Variants in LRRN1 observed in about 807,000 individuals in gnomAD.
LRRN1 encodes leucine-rich repeat neuronal protein 1.
In LRRN1, 14 loss-of-function variants were observed where a neutral mutation model predicts 45.8. The ratio of observed to expected loss-of-function variants is 0.31; its 90% CI spans 0.20 to 0.48. LRRN1 has a LOEUF of 0.48. LRRN1 is among the 20% of genes least tolerant of loss of function. The pLI, the probability that LRRN1 is intolerant of heterozygous loss-of-function variation, is 0.99. For synonymous variants in LRRN1, 359 were observed against 330.1 expected (o/e 1.09, Z -0.95); for missense variants, 789 against 874.2 (o/e 0.90, Z 1.23).
intron 1 of LRRN1, among the ~76,000 whole-genome samples, chr3:3,825,865 C>T (rs548780997): frequency 8.5e-5 from 13 of 152,164 alleles, no homozygotes; most frequent in African/African-American, 3.1e-4. Flanking sequence ...GAGTATTTGC[C>T]AATAATATTT....
At chr3:3,835,123 T>C (rs1693479689) in intron 1 of LRRN1, among the ~76,000 whole-genome samples, 1 of 152,192 alleles carries the variant, frequency 6.6e-6, no homozygotes, top group African/African-American at 2.4e-5. Context: ...AGAATTTAAG[T>C]ACAGATGCTT....
intron 1 of LRRN1, among the ~76,000 whole-genome samples, chr3:3,832,733 T>C (rs1171610820): frequency 6.6e-6 from 1 of 152,204 alleles, no homozygotes; most frequent in Non-Finnish European, 1.5e-5. Flanking sequence ...ATAAACTGGC[T>C]CCAGTCTGGA....
intron 1 of LRRN1, among the ~76,000 whole-genome samples, chr3:3,833,513 T>C (rs1054325790): frequency 6.6e-6 from 1 of 152,186 alleles, no homozygotes; most frequent in Non-Finnish European, 1.5e-5. Context: ...AGATTGCTCT[T>C]TATATAATTA....
chr3:3,822,305 C>G (rs995300165), intron 1 of LRRN1, among the ~76,000 whole-genome samples: 4 of 152,196 alleles, frequency 2.6e-5, no homozygotes, highest in African/African-American at 9.7e-5. Flanking sequence ...TCAGCCAAAA[C>G]TACCCTGCAA....
Position 3,842,896 on chromosome 3 carries a change from T to G in LRRN1, c.-278-1468T>G, listed in dbSNP as rs1206552806. ...GGAACCACTAACTACTAATATTATCTTTGCCAGCAGGTGAGCAGTACATAC... is the reference window on the plus strand; with the variant it reads ...GGAACCACTAACTACTAATATTATCGTTGCCAGCAGGTGAGCAGTACATAC... On this transcript the variant is annotated intron_variant, in intron 1 of 1. Coordinates refer to ENST00000319331, the MANE Select transcript of LRRN1 (RefSeq NM_020873.7). Among the ~76,000 whole-genome samples the G allele has an allele frequency of 2.0e-5, 3 of 152,186 alleles. No homozygotes were observed. The East Asian group carries it at 5.8e-4, about 29-fold the overall frequency.
chr3:3,799,468 A>G lies in LRRN1; in HGVS notation c.-730A>G, dbSNP rs1442743212. On this transcript the variant is annotated 5_prime_UTR_variant, in exon 1 of 2. Transcript: ENST00000319331. ...GGGCGCACCGCGGGCGCCGGCAACG[A>G]GCCGGTGAACGAGGCGAGGCCCGTG... 4.0e-5 allele frequency: 6 copies of G among 151,810 alleles called. No homozygotes were observed. The highest frequency in any genetic ancestry group is 1.5e-4 in the African/African-American group (6 of 41,336). The allele number at this position is 151,810 out of a possible 1,614,324, so 9.4% of individuals were successfully genotyped here.
rs574466887 is a variant in LRRN1, at chr3:3,831,986, A to T, written c.-278-12378A>T. ...AGAAATGGAGAAAAAGGCATTTGCC[A>T]TGTCAATGGCTGCATACCAGGTACC... On this transcript the variant is annotated intron_variant, in intron 1 of 1. Transcript: ENST00000319331. 7.2e-5 allele frequency among the ~76,000 whole-genome samples: 11 copies of T among 152,372 alleles called. No individual in the cohort carries two copies. In the South Asian group the frequency reaches 2.3e-3, roughly 32 times the overall value.
chr3:3,802,512 C>T (rs1343190528), intron 1 of LRRN1, among the ~76,000 whole-genome samples: 1 of 152,110 alleles, frequency 6.6e-6, no homozygotes, highest in Admixed American at 6.5e-5. Context: ...CTCAGTGTTT[C>T]GGGGGAGGGG....
intron 1 of LRRN1, among the ~76,000 whole-genome samples, chr3:3,839,617 G>T (rs903248912): frequency 6.6e-6 from 1 of 152,016 alleles, no homozygotes; most frequent in African/African-American, 2.4e-5. Flanking sequence ...ATAAACATGG[G>T]ATGTTTCATC....
intron 1 of LRRN1, among the ~76,000 whole-genome samples, chr3:3,811,649 G>T (rs750754585): frequency 6.6e-6 from 1 of 152,126 alleles, no homozygotes; most frequent in African/African-American, 2.4e-5. Context: ...ATAGAAAGTT[G>T]AACTCATTTG....
At chr3:3,829,941 C>A (rs745641837) in intron 1 of LRRN1, among the ~76,000 whole-genome samples, 7 of 152,140 alleles carry the variant, frequency 4.6e-5, no homozygotes, top group Admixed American at 1.3e-4. Flanking sequence ...AGGAATGGTG[C>A]TTTATCGAGG....
At position 3,844,763 on chromosome 3, in the gene LRRN1, G is replaced by A. The variant is rs964412635; in HGVS notation, c.122G>A (p.Arg41His). Residue 41 changes from arginine (R) to histidine (H), a missense_variant, in exon 2 of 2, where the codon CGT becomes CAT. Arg to His is a conservative substitution (Grantham distance 29). Transcript: ENST00000319331. Reference protein sequence around the residue: ...ECPQLCVCEIRPWFTPQSTYR... With the variant: ...ECPQLCVCEIHPWFTPQSTYR... ...CCACAACTTTGCGTATGTGAAATTC[G>A]TCCCTGGTTTACCCCACAGTCAACT... 5.0e-6 allele frequency: 8 copies of A among 1,614,002 alleles called. No homozygotes were observed. The highest frequency in any genetic ancestry group is 2.2e-5 in the South Asian group (2 of 91,074).
chr3:3,826,398 C>G (rs949868130), intron 1 of LRRN1, among the ~76,000 whole-genome samples: 1 of 152,126 alleles, frequency 6.6e-6, no homozygotes, highest in Non-Finnish European at 1.5e-5. Context: ...ATGACTTGTT[C>G]AAGGTCGTCC....
chr3:3,812,941 TC>T (rs1435544348), intron 1 of LRRN1, among the ~76,000 whole-genome samples: 1 of 152,228 alleles, frequency 6.6e-6, no homozygotes, highest in African/African-American at 2.4e-5. Context: ...TATTTTCTGC[TC>T]CTCATAACCT....
At position 3,842,543 on chromosome 3, in the gene LRRN1, T is replaced by C. The variant is rs1575302413; in HGVS notation, c.-278-1821T>C. On this transcript the variant is annotated intron_variant, in intron 1 of 1. Coordinates refer to ENST00000319331, the MANE Select transcript of LRRN1 (RefSeq NM_020873.7). ...GTATTGGCCATTTGTATTCTTATACTCTTAGTCACAAAGATAACTACGTTT... is the reference window on the plus strand; with the variant it reads ...GTATTGGCCATTTGTATTCTTATACCCTTAGTCACAAAGATAACTACGTTT... Among the ~76,000 whole-genome samples the C allele has an allele frequency of 6.6e-5, 10 of 152,270 alleles. No individual in the cohort carries two copies. In the South Asian group the frequency reaches 2.1e-3, roughly 32 times the overall value.
At chr3:3,803,840 C>T (rs1692705010) in intron 1 of LRRN1, among the ~76,000 whole-genome samples, 1 of 152,100 alleles carries the variant, frequency 6.6e-6, no homozygotes, top group African/African-American at 2.4e-5. Flanking sequence ...TTTTTAATTT[C>T]TTGTTTTAGC....
intron 1 of LRRN1, among the ~76,000 whole-genome samples, chr3:3,840,391 T>C (rs1693623207): frequency 6.6e-6 from 1 of 152,198 alleles, no homozygotes; most frequent in Non-Finnish European, 1.5e-5. Flanking sequence ...TTAGGGATAT[T>C]GGTCTGTAGT....
intron 1 of LRRN1, among the ~76,000 whole-genome samples, chr3:3,834,736 A>G (rs1028000749): frequency 6.6e-6 from 1 of 151,116 alleles, no homozygotes; most frequent in Non-Finnish European, 1.5e-5. Flanking sequence ...TTGGAGTCTG[A>G]TGTTCGAGGG....
chr3:3,831,525 C>A (rs936822902), intron 1 of LRRN1, among the ~76,000 whole-genome samples: 1 of 5,032 alleles, frequency 2.0e-4, no homozygotes. Flanking sequence ...CTGAATAAGA[C>A]TATGACACGG....
Sources: gnomAD v4.1 joint callset for allele counts (sites outside exome capture counted in the v4.1 genomes callset) on GRCh38, gnomAD v4.1.1 for gene constraint, MANE v1.5 for transcripts, NCBI Gene and HGNC (gene_info 2026-07-23, HGNC 2026-07-21) for gene names.